FSTL5: variants seen among roughly 807,000 people sequenced by gnomAD.
The protein encoded by FSTL5 is follistatin-related protein 5.
Under a neutral mutation model 89.1 loss-of-function variants are expected in FSTL5, and 62 were observed. The observed-to-expected ratio is 0.70, with a 90% CI of 0.57 to 0.86. The LOEUF is 0.86. FSTL5 is among the 40% of genes least tolerant of loss of function. FSTL5 has a pLI of 0.00. For synonymous variants in FSTL5, 383 were observed against 346.2 expected (o/e 1.11, Z -1.18); for missense variants, 1,057 against 1,001.6 (o/e 1.06, Z -0.75).
At chr4:162,145,163 T>C (rs1023055887) in intron 1 of FSTL5, among the ~76,000 whole-genome samples, 1 of 151,182 alleles carries the variant, frequency 6.6e-6, no homozygotes, top group Non-Finnish European at 1.5e-5. Flanking sequence ...TCTATAGGCA[T>C]GCATATTTAC....
chr4:161,711,491 A>C (rs1329135317), intron 6 of FSTL5, among the ~76,000 whole-genome samples: 1 of 152,194 alleles, frequency 6.6e-6, no homozygotes, highest in Admixed American at 6.5e-5. Flanking sequence ...ATACATCAAA[A>C]GTAAAGGGTT....
At chr4:161,647,970 A>G (rs1254513566) in intron 7 of FSTL5, among the ~76,000 whole-genome samples, 1 of 152,146 alleles carries the variant, frequency 6.6e-6, no homozygotes, top group Non-Finnish European at 1.5e-5. Context: ...GACTGGCAGA[A>G]CGACACGGAG....
chr4:162,066,367 T>TCTTCTTCTTCTC (rs1561000598), intron 2 of FSTL5, among the ~76,000 whole-genome samples: 6 of 136,470 alleles, frequency 4.4e-5, no homozygotes, highest in African/African-American at 1.1e-4. Context: ...TTCTTCTTCT[T>TCTTCTTCTTCTC]CTTCTCCTTC....
At chr4:161,558,751 A>G (rs749395767) in intron 8 of FSTL5, among the ~76,000 whole-genome samples, 8 of 151,888 alleles carry the variant, frequency 5.3e-5, no homozygotes, top group East Asian at 1.9e-4. Flanking sequence ...CATGCTTCCT[A>G]TAAGTTCATT....
intron 15 of FSTL5, among the ~76,000 whole-genome samples, chr4:161,450,410 G>T (rs1437610139): frequency 6.6e-6 from 1 of 152,126 alleles, no homozygotes; most frequent in Non-Finnish European, 1.5e-5. Context: ...TGCTTTATGA[G>T]AATTACTTGT....
chr4:161,717,608 C>A (rs955584594), intron 6 of FSTL5, among the ~76,000 whole-genome samples: 1 of 152,110 alleles, frequency 6.6e-6, no homozygotes, highest in African/African-American at 2.4e-5. Flanking sequence ...GCAAAAGAGT[C>A]CACTTGATGG....
intron 4 of FSTL5, among the ~76,000 whole-genome samples, chr4:161,778,638 A>C (rs1018061393): frequency 6.6e-6 from 1 of 152,216 alleles, no homozygotes; most frequent in Non-Finnish European, 1.5e-5. Context: ...TTTTCACAAC[A>C]AAATGTAAAC....
At chr4:161,411,232 T>C (rs947666640) in intron 15 of FSTL5, among the ~76,000 whole-genome samples, 2 of 152,154 alleles carry the variant, frequency 1.3e-5, no homozygotes, top group Non-Finnish European at 2.9e-5. Flanking sequence ...GACCAGATGA[T>C]TCACAGCCAA....
At chr4:161,477,435 A>G (rs970761712) in intron 13 of FSTL5, among the ~76,000 whole-genome samples, 1 of 150,168 alleles carries the variant, frequency 6.7e-6, no homozygotes. Flanking sequence ...ATTAATTATT[A>G]TAGTTTATTA....
intron 3 of FSTL5, among the ~76,000 whole-genome samples, chr4:162,024,237 C>T (rs1162169945): frequency 1.3e-5 from 2 of 152,080 alleles, no homozygotes; most frequent in Admixed American, 6.6e-5. Flanking sequence ...TTCACATATA[C>T]CAAAATGGTA....
intron 8 of FSTL5, among the ~76,000 whole-genome samples, chr4:161,548,606 G>A (rs1321675181): frequency 1.3e-5 from 2 of 151,740 alleles, no homozygotes; most frequent in East Asian, 1.9e-4. Flanking sequence ...TTAGATATAT[G>A]TCACATGCAA....
intron 4 of FSTL5, among the ~76,000 whole-genome samples, chr4:161,895,657 T>G (rs1733133241): frequency 6.6e-6 from 1 of 152,160 alleles, no homozygotes; most frequent in Non-Finnish European, 1.5e-5. Flanking sequence ...AAAATAATAA[T>G]GTCAATGATT....
intron 15 of FSTL5, among the ~76,000 whole-genome samples, chr4:161,448,093 G>A (rs1244133340): frequency 6.6e-6 from 1 of 152,000 alleles, no homozygotes; most frequent in Non-Finnish European, 1.5e-5. Flanking sequence ...TTCACTTTTT[G>A]AGAGAGTGTA....
chr4:161,836,707 T>G (rs998239020), intron 4 of FSTL5, among the ~76,000 whole-genome samples: 3 of 151,936 alleles, frequency 2.0e-5, no homozygotes, highest in Non-Finnish European at 4.4e-5. Context: ...GATACGTTGT[T>G]GAAGAGCAAA....
intron 4 of FSTL5, among the ~76,000 whole-genome samples, chr4:161,820,436 A>G (rs914899982): frequency 3.3e-5 from 5 of 152,222 alleles, no homozygotes; most frequent in Admixed American, 6.5e-5. Flanking sequence ...ATATATACAC[A>G]TATACTAATT....
chr4:161,677,770 C>T (rs961713356), intron 6 of FSTL5, among the ~76,000 whole-genome samples: 14 of 151,936 alleles, frequency 9.2e-5, no homozygotes, highest in Admixed American at 3.9e-4. Context: ...TTATTAACTA[C>T]AATTATGTTG....
rs564908987 is a variant in FSTL5 at position 162,150,439 on chromosome 4, T to C, written c.-17+13176A>G. Reference sequence around the variant, plus strand: ...AATTAACAGTGTCTAGAAATGTGTCTGAGGTACAATAATTGTTCAATAAAC... The same window carrying C: ...AATTAACAGTGTCTAGAAATGTGTCCGAGGTACAATAATTGTTCAATAAAC... On this transcript the variant is annotated intron_variant, in intron 1 of 15. Coordinates refer to ENST00000306100, the MANE Select transcript of FSTL5 (RefSeq NM_020116.5). Among the ~76,000 whole-genome samples the C allele has an allele frequency of 2.0e-5, 3 of 152,290 alleles. No homozygotes were observed. In the East Asian group the frequency reaches 5.8e-4, roughly 29 times the overall value.
intron 4 of FSTL5, among the ~76,000 whole-genome samples, chr4:161,820,783 C>T (rs1017499378): frequency 6.6e-6 from 1 of 152,076 alleles, no homozygotes; most frequent in Non-Finnish European, 1.5e-5. Context: ...TTGAGAACCA[C>T]CAGCTCTACA....
rs992311386 is a variant in FSTL5 at position 162,056,433 on chromosome 4, T to C, written c.127-22775A>G. ...CAAATCCAGTTATGAGGGTGTGTCC[T>C]AGGGTAATTTCTGTACACTTGAAAA... On this transcript the variant is annotated intron_variant, in intron 2 of 15. Coordinates refer to ENST00000306100, the MANE Select transcript of FSTL5 (RefSeq NM_020116.5). Among the ~76,000 whole-genome samples the C allele has an allele frequency of 6.6e-5, 10 of 151,274 alleles. No homozygotes were observed. In the East Asian group the frequency reaches 7.7e-4, roughly 12 times the overall value.
Sources: allele counts gnomAD v4.1 joint callset (sites outside exome capture counted in the v4.1 genomes callset), GRCh38; gene constraint gnomAD v4.1.1; transcripts MANE v1.5; gene names NCBI Gene and HGNC (gene_info 2026-07-23, HGNC 2026-07-21).